Variants in HCN1 observed in about 807,000 individuals in gnomAD.
HCN1 encodes the protein hyperpolarization activated cyclic nucleotide gated potassium channel 1.
HCN1 carries 13 observed loss-of-function variants against 78.9 expected under a neutral mutation model. The ratio of observed to expected loss-of-function variants is 0.16; its 90% confidence interval spans 0.11 to 0.26. The LOEUF (loss-of-function observed/expected upper bound fraction) is 0.26. Ranked by LOEUF, HCN1 falls within the 10% of genes least tolerant of loss-of-function variation. The pLI, the probability that HCN1 is intolerant of heterozygous loss-of-function variation, is 1.00. For synonymous variants in HCN1, 552 were observed against 455.5 expected (o/e 1.21, Z -2.70); for missense variants, 810 against 1,154.3 (o/e 0.70, Z 4.32).
rs1744841763 is a variant in HCN1, at chr5:45,611,730, T to A, written c.849+33455A>T. On this transcript the variant is annotated intron_variant, in intron 2 of 7. Coordinates refer to ENST00000303230, the MANE Select transcript of HCN1 (RefSeq NM_021072.4). ...AAATATGATTCTTTCTTTTAAAAAT[T>A]CAGTTAACTGTTTTGTAGGCTAGGA... is the stretch of plus-strand genomic sequence containing the variant. Among the ~76,000 whole-genome samples the A allele has an allele frequency of 3.3e-5, 5 of 152,316 alleles. No homozygotes were observed. The South Asian group carries it at 1.0e-3, about 32-fold the overall frequency.
intron 5 of HCN1, among the ~76,000 whole-genome samples, chr5:45,323,447 A>G (rs1016169980): frequency 6.6e-5 from 10 of 151,962 alleles, no homozygotes; most frequent in African/African-American, 2.4e-4. Flanking sequence ...TCATGATATC[A>G]TATAGAAGGG....
intron 3 of HCN1, among the ~76,000 whole-genome samples, chr5:45,414,054 A>G (rs771270634): frequency 3.3e-5 from 5 of 152,008 alleles, no homozygotes; most frequent in Non-Finnish European, 7.4e-5. Context: ...AATCAATTAG[A>G]CCATGGGAAA....
In HCN1 at chr5:45,696,000, GC is replaced by G. The variant is rs1740005254; in HGVS notation, c.93del (p.Pro32ArgfsTer116). On this transcript the variant is annotated frameshift_variant, in exon 1 of 8. Transcript: ENST00000303230. LOFTEE classifies it high-confidence loss of function. ...FPAKASATGA[G>X]PAAAEKRLGT... ...CCCAGGCGCTTCTCGGCCGCGGCCG[GC>G]CCCGCGCCCGTCGCGGACGCCTTGG... The G allele has an allele frequency of 7.7e-7, 1 of 1,298,272 alleles. No individual in the cohort carries two copies. The highest frequency in any genetic ancestry group is 9.8e-7 in the Non-Finnish European group (1 of 1,018,568). 80.4% of individuals were successfully genotyped at this position (1,298,272 alleles called of 1,614,324 possible).
intron 1 of HCN1, among the ~76,000 whole-genome samples, chr5:45,658,319 T>C (rs577775192): frequency 9.2e-5 from 14 of 152,304 alleles, no homozygotes; most frequent in African/African-American, 3.4e-4. Flanking sequence ...ATTCAGGACA[T>C]AGGCATGGGC....
At chr5:45,454,226 C>T (rs1740979579) in intron 3 of HCN1, among the ~76,000 whole-genome samples, 1 of 152,014 alleles carries the variant, frequency 6.6e-6, no homozygotes, top group Non-Finnish European at 1.5e-5. Context: ...GTAAGAGAAT[C>T]CACATCTGAG....
intron 5 of HCN1, among the ~76,000 whole-genome samples, chr5:45,315,232 A>G (rs935302345): frequency 1.6e-4 from 24 of 152,226 alleles, no homozygotes; most frequent in African/African-American, 4.3e-4. Context: ...CCACAGTGCA[A>G]TCAAACTAGA....
intron 3 of HCN1, among the ~76,000 whole-genome samples, chr5:45,397,089 C>G (rs2112041228): frequency 6.6e-6 from 1 of 152,140 alleles, no homozygotes; most frequent in South Asian, 2.1e-4. Flanking sequence ...ATGCAGCAGA[C>G]AGTATGACAC....
chr5:45,495,374 A>C (rs1298369979), intron 2 of HCN1, among the ~76,000 whole-genome samples: 5 of 142,188 alleles, frequency 3.5e-5, no homozygotes, highest in African/African-American at 5.3e-5. Flanking sequence ...TGTGAATGGG[A>C]GTTCACTCAT....
At chr5:45,689,615 C>G (rs376299319) in intron 1 of HCN1, among the ~76,000 whole-genome samples, 5 of 151,970 alleles carry the variant, frequency 3.3e-5, no homozygotes, top group Non-Finnish European at 5.9e-5. Flanking sequence ...CAGGAGAGAA[C>G]TCAGGTTGTT....
intron 2 of HCN1, among the ~76,000 whole-genome samples, chr5:45,506,539 A>G (rs1742305447): frequency 6.6e-6 from 1 of 152,184 alleles, no homozygotes; most frequent in African/African-American, 2.4e-5. Context: ...TGCAAAACAC[A>G]AATGCAAACT....
intron 2 of HCN1, among the ~76,000 whole-genome samples, chr5:45,572,684 C>A (rs945599065): frequency 5.3e-5 from 8 of 152,008 alleles, no homozygotes; most frequent in Non-Finnish European, 8.8e-5. Flanking sequence ...ATTGGTGATA[C>A]AGAATTTCAG....
At chr5:45,290,568 T>TA (rs1003118899) in intron 6 of HCN1, among the ~76,000 whole-genome samples, 12 of 151,670 alleles carry the variant, frequency 7.9e-5, no homozygotes, top group South Asian at 2.1e-4. Flanking sequence ...TTAAAAATTG[T>TA]AAAAAAAAGA....
chr5:45,633,306 AT>A (rs142887815), intron 2 of HCN1, among the ~76,000 whole-genome samples: 11,707 of 151,784 alleles, frequency 0.077, 594 homozygotes, highest in Middle Eastern at 0.16. Flanking sequence ...TATTTTAAAT[AT>A]TTTTTTTAAC....
At chr5:45,467,274 T>A (rs776681595) in intron 2 of HCN1, among the ~76,000 whole-genome samples, 1 of 152,148 alleles carries the variant, frequency 6.6e-6, no homozygotes, top group Non-Finnish European at 1.5e-5. Flanking sequence ...AACCCCAATG[T>A]CTTAGGTTCT....
intron 1 of HCN1, among the ~76,000 whole-genome samples, chr5:45,650,991 A>T (rs1221265590): frequency 6.6e-6 from 1 of 151,960 alleles, no homozygotes; most frequent in Admixed American, 6.6e-5. Context: ...CTACTACTAA[A>T]GGTGCTTGTA....
At chr5:45,395,862 A>G (rs935908107) in intron 4 of HCN1, among the ~76,000 whole-genome samples, 1 of 152,164 alleles carries the variant, frequency 6.6e-6, no homozygotes, top group Non-Finnish European at 1.5e-5. Flanking sequence ...AAAAAAATCC[A>G]ATGAATAAAT....
At chr5:45,382,461 A>G (rs1747829778) in intron 4 of HCN1, among the ~76,000 whole-genome samples, 1 of 152,162 alleles carries the variant, frequency 6.6e-6, no homozygotes, top group Non-Finnish European at 1.5e-5. Context: ...ATTATTCTCT[A>G]AATTCTTCAT....
intron 3 of HCN1, among the ~76,000 whole-genome samples, chr5:45,429,395 T>TA (rs935560734): frequency 6.6e-6 from 1 of 152,142 alleles, no homozygotes; most frequent in African/African-American, 2.4e-5. Context: ...TTCCAATATA[T>TA]ATCCCTTACT....
chr5:45,419,556 T>A (rs1740186191), intron 3 of HCN1, among the ~76,000 whole-genome samples: 1 of 152,204 alleles, frequency 6.6e-6, no homozygotes, highest in Non-Finnish European at 1.5e-5. Flanking sequence ...CCTCCAAATC[T>A]GTTCTTCAGC....
Sources: allele counts gnomAD v4.1 joint callset (sites outside exome capture counted in the v4.1 genomes callset), GRCh38; gene constraint gnomAD v4.1.1; transcripts MANE v1.5; gene names NCBI Gene and HGNC (gene_info 2026-07-23, HGNC 2026-07-21).